The following RBPJ variants were observed in gnomAD, a reference collection of about 807,000 sequenced individuals.
RBPJ encodes the protein recombining binding protein suppressor of hairless.
Under a neutral mutation model 67.8 loss-of-function variants are expected in RBPJ, and 9 were observed. The ratio of observed to expected loss-of-function variants is 0.13; its 90% CI spans 0.08 to 0.23. The LOEUF is 0.23. Among genes scored for constraint, RBPJ ranks in the 10% least tolerant of loss-of-function variants. RBPJ has a pLI of 1.00. For synonymous variants in RBPJ, 198 were observed against 203.3 expected (o/e 0.97, Z 0.22); for missense variants, 305 against 595.6 (o/e 0.51, Z 5.08).
intron 2 of RBPJ, among the ~76,000 whole-genome samples, chr4:26,400,394 C>T (rs1324164522): frequency 2.6e-5 from 4 of 152,358 alleles, no homozygotes; most frequent in African/African-American, 9.6e-5. Context: ...AATCTCTCCA[C>T]AGCAGAAAAT....
At chr4:26,380,664 G>A (rs941373399) in intron 1 of RBPJ, among the ~76,000 whole-genome samples, 2 of 151,986 alleles carry the variant, frequency 1.3e-5, no homozygotes, top group African/African-American at 4.8e-5. Context: ...CTGCTTCATG[G>A]TTCAGAAATC....
chr4:26,319,806 G>T, upstream of RBPJ: 2 of 1,424,010 alleles, frequency 1.4e-6, no homozygotes, highest in Non-Finnish European at 9.9e-7. Flanking sequence ...CCGGGTTTTG[G>T]GGCTCCCTGC....
chr4:26,429,627 C>T (rs1252179319), intron 8 of RBPJ, among the ~76,000 whole-genome samples: 1 of 152,324 alleles, frequency 6.6e-6, no homozygotes, highest in East Asian at 1.9e-4. Flanking sequence ...CATTGGTATA[C>T]TCATAATGGT....
At chr4:26,204,865 C>T (rs1407475736) in intron 1 of RBPJ, among the ~76,000 whole-genome samples, 4 of 152,086 alleles carry the variant, frequency 2.6e-5, no homozygotes, top group African/African-American at 9.7e-5. Flanking sequence ...TAGTGTGTGC[C>T]CTGGAGCATT....
At chr4:26,192,783 A>C (rs1717615434) in intron 1 of RBPJ, among the ~76,000 whole-genome samples, 1 of 152,212 alleles carries the variant, frequency 6.6e-6, no homozygotes, top group Non-Finnish European at 1.5e-5. Flanking sequence ...CCATTCCATA[A>C]TAAGCACAAT....
chr4:26,215,276 A>G (rs369472912), intron 1 of RBPJ, among the ~76,000 whole-genome samples: 41,486 of 62,672 alleles, frequency 0.66, 16,056 homozygotes, highest in East Asian at 0.93. Context: ...AGGGAGGAAA[A>G]AGAGAGAGAA....
chr4:26,107,554 G>A, the RBPJ span, among the ~76,000 whole-genome samples: 1 of 152,228 alleles, frequency 6.6e-6, no homozygotes, highest in Non-Finnish European at 1.5e-5. Context: ...CCGCAGCACT[G>A]AATGTGAGTC....
chr4:26,353,404 T>G (rs1360353439), intron 1 of RBPJ, among the ~76,000 whole-genome samples: 1 of 152,206 alleles, frequency 6.6e-6, no homozygotes, highest in Non-Finnish European at 1.5e-5. Context: ...TGAATTCTGG[T>G]TCTGCCACTT....
At chr4:26,294,108 G>GTTTTTGT (rs1423390320) in intron 1 of RBPJ, among the ~76,000 whole-genome samples, 1 of 99,532 alleles carries the variant, frequency 1.0e-5, no homozygotes, top group Non-Finnish European at 2.0e-5. Flanking sequence ...TTTTGTTTTT[G>GTTTTTGT]TTTTTTTGAG....
At chr4:26,228,808 C>G (rs1719172737) in intron 1 of RBPJ, among the ~76,000 whole-genome samples, 1 of 152,168 alleles carries the variant, frequency 6.6e-6, no homozygotes, top group African/African-American at 2.4e-5. Context: ...GATGGAGAAC[C>G]ATTCCCTTTT....
At chr4:26,197,316 T>C (rs1717803815) in intron 1 of RBPJ, among the ~76,000 whole-genome samples, 1 of 152,188 alleles carries the variant, frequency 6.6e-6, no homozygotes, top group Non-Finnish European at 1.5e-5. Context: ...ATGTGTAAAA[T>C]GGGGATAATA....
chr4:26,339,215 C>G (rs974414418), intron 1 of RBPJ, among the ~76,000 whole-genome samples: 2 of 152,120 alleles, frequency 1.3e-5, no homozygotes, highest in Admixed American at 6.5e-5. Flanking sequence ...CAGGAGGTCT[C>G]TAGTTGCGTT....
chr4:26,177,455 T>C (rs989662308), intron 1 of RBPJ, among the ~76,000 whole-genome samples: 1 of 152,116 alleles, frequency 6.6e-6, no homozygotes, highest in Non-Finnish European at 1.5e-5. Flanking sequence ...TGTGCACCTG[T>C]AGTCCCAGCT....
At chr4:26,335,289 C>T (rs1427111171) in intron 1 of RBPJ, among the ~76,000 whole-genome samples, 3 of 151,744 alleles carry the variant, frequency 2.0e-5, no homozygotes, top group Non-Finnish European at 2.9e-5. Flanking sequence ...TCAAGTGATT[C>T]TCCTGCCTCA....
At chr4:26,157,112 C>CAAACAAAAAAAAAAAAAAA in the RBPJ span, among the ~76,000 whole-genome samples, 1 of 113,280 alleles carries the variant, frequency 8.8e-6, no homozygotes, top group Admixed American at 8.9e-5. Flanking sequence ...AACAAACAAA[C>CAAACAAAAAAAAAAAAAAA]AAACAAAAAA....
chr4:26,143,214 C>G, the RBPJ span, among the ~76,000 whole-genome samples: 2 of 152,304 alleles, frequency 1.3e-5, no homozygotes, highest in African/African-American at 2.4e-5. Flanking sequence ...CTCAGTGGTC[C>G]AAGCCACCTT....
At chr4:26,204,362 G>A (rs543859996) in intron 1 of RBPJ, among the ~76,000 whole-genome samples, 8 of 152,344 alleles carry the variant, frequency 5.3e-5, no homozygotes, top group South Asian at 2.1e-4. Context: ...AAGAGGTGTC[G>A]CCTTTGAAGA....
the RBPJ span, among the ~76,000 whole-genome samples, chr4:26,109,660 C>CTA: frequency 2.4e-5 from 2 of 84,346 alleles, no homozygotes; most frequent in East Asian, 5.4e-4. Context: ...CTCTCTCTCT[C>CTA]TCTCTCTCTA....
intron 1 of RBPJ, among the ~76,000 whole-genome samples, chr4:26,333,194 G>A (rs909397441): frequency 3.3e-5 from 5 of 152,152 alleles, no homozygotes; most frequent in African/African-American, 1.2e-4. Flanking sequence ...TTTGATGTAT[G>A]GGAGGATCCT....
Sources: allele counts gnomAD v4.1 joint callset (sites outside exome capture counted in the v4.1 genomes callset), GRCh38; gene constraint gnomAD v4.1.1; transcripts MANE v1.5; gene names NCBI Gene and HGNC (gene_info 2026-07-23, HGNC 2026-07-21).